The following TLN2 variants were observed in gnomAD, a reference collection of about 807,000 sequenced individuals.
TLN2 encodes the protein talin 2.
A neutral mutation model predicts 294.7 loss-of-function variants in TLN2; 118 were observed. That is an observed-to-expected ratio of 0.40 (90% confidence interval 0.34 to 0.47). The LOEUF is 0.47. Among genes scored for constraint, TLN2 ranks in the 20% least tolerant of loss-of-function variants. The pLI is 0.84. For missense variants in TLN2, 3,083 were observed against 3,282.2 expected, an observed-to-expected ratio of 0.94 and a Z score of 1.48; for synonymous variants, 1,431 against 1,304.5, an observed-to-expected ratio of 1.10 and a Z score of -2.09.
At chr15:62,572,041 T>C (rs1390243865) in intron 1 of TLN2, among the ~76,000 whole-genome samples, 2 of 152,198 alleles carry the variant, frequency 1.3e-5, no homozygotes, top group Non-Finnish European at 2.9e-5. Flanking sequence ...AGCCTTGTGC[T>C]GGGCACCTGG....
At chr15:62,426,297 C>G (rs1273074641) in intron 1 of TLN2, among the ~76,000 whole-genome samples, 1 of 152,204 alleles carries the variant, frequency 6.6e-6, no homozygotes, top group Non-Finnish European at 1.5e-5. Flanking sequence ...CTCCCCATTT[C>G]ATTTAAATGT....
At chr15:62,622,851 C>A (rs2048949889) in intron 3 of TLN2, among the ~76,000 whole-genome samples, 2 of 152,174 alleles carry the variant, frequency 1.3e-5, no homozygotes, top group South Asian at 4.1e-4. Flanking sequence ...GTTTGGGTTT[C>A]TCTTGGGCCA....
chr15:62,707,058 T>C (rs757919839), intron 19 of TLN2, 28 bp from the exon 20 acceptor site: 1 of 1,579,430 alleles, frequency 6.3e-7, no homozygotes, highest in South Asian at 1.2e-5. Context: ...GAAAAATAAA[T>C]GAATAGTCTT....
intron 2 of TLN2, among the ~76,000 whole-genome samples, chr15:62,597,860 G>T (rs528518761): frequency 9.2e-5 from 14 of 152,266 alleles, no homozygotes; most frequent in African/African-American, 3.4e-4. Context: ...TTTTGTGCGT[G>T]AAACAAAGTT....
chr15:62,833,692 A>G (rs2069128399), intron 55 of TLN2, 63 bp downstream of exon 55: 36 of 1,572,224 alleles, frequency 2.3e-5, no homozygotes, highest in Non-Finnish European at 2.9e-5. Flanking sequence ...GGGGCCCAGG[A>G]AAAGAGCTAC....
intron 2 of TLN2, among the ~76,000 whole-genome samples, chr15:62,614,594 G>T (rs1173931535): frequency 6.6e-6 from 1 of 152,108 alleles, no homozygotes; most frequent in African/African-American, 2.4e-5. Context: ...AAAGGACTGC[G>T]AAGGAAGCCA....
chr15:62,837,716 A>C (rs927326357), intron 57 of TLN2, among the ~76,000 whole-genome samples: 1 of 152,206 alleles, frequency 6.6e-6, no homozygotes, highest in African/African-American at 2.4e-5. Context: ...ACATCAGAAA[A>C]GTGGGCTAAA....
chr15:62,397,095 A>T (rs1471848632), intron 1 of TLN2, among the ~76,000 whole-genome samples: 1 of 152,104 alleles, frequency 6.6e-6, no homozygotes, highest in East Asian at 1.9e-4. Flanking sequence ...TTTGAATCCA[A>T]GTCTCTTTCC....
intron 45 of TLN2, among the ~76,000 whole-genome samples, chr15:62,787,366 C>T (rs1006919138): frequency 3.3e-5 from 5 of 152,078 alleles, no homozygotes; most frequent in Admixed American, 1.3e-4. Context: ...TGAGGAAAGG[C>T]GATCAGGATT....
chr15:62,448,904 G>T (rs1022765446), intron 1 of TLN2, among the ~76,000 whole-genome samples: 1 of 152,122 alleles, frequency 6.6e-6, no homozygotes. Flanking sequence ...TTGTCTAGGG[G>T]GCTTCTTTTT....
At chr15:62,455,698 C>T (rs1041305792) in intron 1 of TLN2, among the ~76,000 whole-genome samples, 6 of 152,198 alleles carry the variant, frequency 3.9e-5, no homozygotes, top group African/African-American at 1.2e-4. Flanking sequence ...CTGCCTGTCA[C>T]GGGTCACTGC....
chr15:62,698,363 G>T (rs2058498302), intron 15 of TLN2, among the ~76,000 whole-genome samples: 1 of 152,184 alleles, frequency 6.6e-6, no homozygotes, highest in Non-Finnish European at 1.5e-5. Flanking sequence ...CGTAGATTTA[G>T]ATGGAGTCCT....
rs144527579 is a variant in TLN2 at position 62,647,352 on chromosome 15, C to T, written c.42C>T (p.Asn14=). The T allele has an allele frequency of 4.3e-4, 687 of 1,614,164 alleles. 4 individuals are homozygous for T. The highest frequency in any genetic ancestry group is 3.5e-4 in the Non-Finnish European group (418 of 1,180,022). The change falls in exon 4 of 59, where the codon AAC becomes AAT. Residue 14 remains asparagine, a synonymous_variant. Transcript: ENST00000636159. ...TAAAGATTTGTGTGCGCCACTGCAA[C>T]GTGGTGAAGACCATGCAGTTTGAAC... The part of the protein sequence containing the change: ...LSLKICVRHC[N]VVKTMQFEPS...
chr15:62,516,646 AG>A (rs1170387266), intron 1 of TLN2, among the ~76,000 whole-genome samples: 4 of 152,212 alleles, frequency 2.6e-5, no homozygotes, highest in African/African-American at 9.6e-5. Flanking sequence ...CCATGGCTGA[AG>A]GCCTGGTGGT....
intron 3 of TLN2, among the ~76,000 whole-genome samples, chr15:62,636,691 G>A (rs1294336887): frequency 6.6e-6 from 1 of 152,164 alleles, no homozygotes; most frequent in Non-Finnish European, 1.5e-5. Flanking sequence ...GGAAGGAAGT[G>A]GAGCTAGGAA....
At chr15:62,752,786 T>A (rs533100714) in intron 35 of TLN2, among the ~76,000 whole-genome samples, 6 of 152,260 alleles carry the variant, frequency 3.9e-5, no homozygotes, top group Non-Finnish European at 5.9e-5. Context: ...GAAACTGTTA[T>A]GTCATGCTCT....
Position 62,695,149 on chromosome 15 carries a change from A to ATTTTAATTTATTAATTTTATTAATTTATT in TLN2, c.1292+757_1292+758insTTTTAATTTATTAATTTTATTAATTTATT, listed in dbSNP as rs1427374997. ...GAGATAGGTTTATTAAAATTAAGTAACATCTAATAAATGGCTCTTTTTGGG... is the reference window on the plus strand; with the variant it reads ...GAGATAGGTTTATTAAAATTAAGTAATTTTAATTTATTAATTTTATTAATTTATTCATCTAATAAATGGCTCTTTTTGGG... On this transcript the variant is annotated intron_variant, in intron 14 of 58. Transcript: ENST00000636159. Among the ~76,000 whole-genome samples, 21 of 152,292 alleles carry ATTTTAATTTATTAATTTTATTAATTTATT rather than the reference A, an allele frequency of 1.4e-4. No homozygotes were observed. The East Asian group carries it at 1.9e-3, about 14-fold the overall frequency.
In TLN2 at chr15:62,797,425, G is replaced by T. The variant is rs768944618; in HGVS notation, c.6234+23G>T. 3 of 1,568,272 alleles carry T rather than the reference G, an allele frequency of 1.9e-6. No homozygotes were observed. In the East Asian group the frequency reaches 6.7e-5, roughly 35 times the overall value. On this transcript the variant is annotated intron_variant, in intron 48 of 58. Transcript: ENST00000636159. ...CAGGTACCAGCAGGGCCTGGGGAGT[G>T]CGTCCTCCCGGTCTTCCCGTGAACG...
At chr15:62,639,265 A>G (rs908925491) in intron 3 of TLN2, among the ~76,000 whole-genome samples, 3 of 152,008 alleles carry the variant, frequency 2.0e-5, no homozygotes, top group African/African-American at 4.8e-5. Flanking sequence ...ATCTATGTGT[A>G]TATCTATATC....
Sources: gnomAD v4.1 joint callset for allele counts (sites outside exome capture counted in the v4.1 genomes callset) on GRCh38, gnomAD v4.1.1 for gene constraint, MANE v1.5 for transcripts, NCBI Gene and HGNC (gene_info 2026-07-23, HGNC 2026-07-21) for gene names.